Variants in CSNK1A1 observed in about 807,000 individuals in gnomAD.
The protein encoded by CSNK1A1 is casein kinase 1 alpha 1, also known as casein kinase I isoform alpha.
Under a neutral mutation model 46.1 loss-of-function variants are expected in CSNK1A1, and 7 were observed. The ratio of observed to expected loss-of-function variants is 0.15; its 90% confidence interval spans 0.09 to 0.29. The LOEUF (loss-of-function observed/expected upper bound fraction) is 0.29, where lower values mean the gene tolerates loss of function less well. Ranked by LOEUF, CSNK1A1 falls within the 10% of genes least tolerant of loss-of-function variation. The pLI is 1.00. For synonymous variants in CSNK1A1, 137 were observed against 141.5 expected, an observed-to-expected ratio of 0.97 and a Z score of 0.23; for missense variants, 96 against 417.1, an observed-to-expected ratio of 0.23 and a Z score of 6.71.
chr5:149,549,684 C>T (rs751266541), intron 2 of CSNK1A1, among the ~76,000 whole-genome samples: 1 of 152,202 alleles, frequency 6.6e-6, no homozygotes, highest in Non-Finnish European at 1.5e-5. Context: ...AATAGCAACT[C>T]GAACTGACAC....
In CSNK1A1 at chr5:149,550,377, G is replaced by A; in HGVS notation, c.124-196C>T. 1.4e-6 allele frequency: 2 copies of A among 1,381,912 alleles called. No homozygotes were observed. The highest frequency in any genetic ancestry group is 1.7e-5 in the South Asian group (1 of 59,814). 85.6% of individuals were successfully genotyped at this position (1,381,912 alleles called of 1,614,324 possible). On this transcript the variant is annotated intron_variant, in intron 1 of 9. Transcript: ENST00000377843. This position sits in a 1 kb window ranked among gnomAD's most constrained non-coding sequence, Gnocchi z 4.3. ...TCTTCAGGGGGTAGTGACGAAATCC[G>A]TACGTCCTCTAAAGTGCAGGAAAAT...
intron 2 of CSNK1A1, among the ~76,000 whole-genome samples, chr5:149,536,192 A>G (rs981847937): frequency 3.9e-5 from 6 of 152,174 alleles, no homozygotes; most frequent in African/African-American, 1.4e-4. Flanking sequence ...ACCTCAGGTG[A>G]TTCGCCCACC....
In CSNK1A1 at chr5:149,520,256, CTT is replaced by C. The variant is rs1248000273; in HGVS notation, c.456+32_456+33del. ...AAGCAATTCTTGTCGAAACTTTACT[CTT>C]TGTTCTTTCATGCAAAGAGCATTTG... On this transcript the variant is annotated intron_variant, in intron 4 of 9. Transcript: ENST00000377843. 5 of 1,337,940 alleles carry C rather than the reference CTT, an allele frequency of 3.7e-6. No homozygotes were observed. The Admixed American group carries it at 7.7e-5, about 21-fold the overall frequency. The allele number at this position is 1,337,940 out of a possible 1,614,324, so 82.9% of individuals were successfully genotyped here. A position where few individuals can be genotyped will look rare whatever the true frequency, so the allele number is the denominator to read the frequency against.
At chr5:149,519,154 A>T (rs1379695500) in intron 4 of CSNK1A1, among the ~76,000 whole-genome samples, 2 of 152,210 alleles carry the variant, frequency 1.3e-5, no homozygotes, top group Non-Finnish European at 2.9e-5. Flanking sequence ...TTAAAGCTCA[A>T]CAAAAAAATT....
intron 2 of CSNK1A1, among the ~76,000 whole-genome samples, chr5:149,538,859 T>G (rs1762143402): frequency 6.6e-6 from 1 of 151,858 alleles, no homozygotes; most frequent in South Asian, 2.1e-4. Context: ...GAGGCGGATG[T>G]TGCGGTGAGC....
intron 2 of CSNK1A1, among the ~76,000 whole-genome samples, chr5:149,542,365 T>C (rs1762262090): frequency 6.6e-6 from 1 of 151,430 alleles, no homozygotes; most frequent in East Asian, 1.9e-4. Flanking sequence ...TATGTTACAA[T>C]GTAATAATAA....
intron 9 of CSNK1A1, chr5:149,505,217 A>C: frequency 8.4e-7 from 1 of 1,186,680 alleles, no homozygotes; most frequent in East Asian, 3.7e-5. Context: ...AATGATATAA[A>C]TATACACACA....
At chr5:149,515,090 G>A (rs535914477) in intron 4 of CSNK1A1, among the ~76,000 whole-genome samples, 110 of 152,268 alleles carry the variant, frequency 7.2e-4, no homozygotes, top group Non-Finnish European at 4.4e-4. Context: ...GATTCATAGT[G>A]AAAAGAAAAC....
At chr5:149,520,988 C>T (rs142479608) in intron 3 of CSNK1A1, among the ~76,000 whole-genome samples, 9 of 152,286 alleles carry the variant, frequency 5.9e-5, no homozygotes, top group South Asian at 2.1e-4. Context: ...CAAAGTCAAA[C>T]GCTATAGCTC....
chr5:149,535,352 T>C (rs1762031015), intron 2 of CSNK1A1, among the ~76,000 whole-genome samples: 1 of 152,182 alleles, frequency 6.6e-6, no homozygotes, highest in Admixed American at 6.5e-5. Context: ...CTGTATTTGC[T>C]GCTAACTTTA....
rs189967435 is a variant in CSNK1A1 at position 149,525,339 on chromosome 5, C to G, written c.231-168G>C. On this transcript the variant is annotated intron_variant, in intron 2 of 9. Coordinates refer to ENST00000377843, the MANE Select transcript of CSNK1A1 (RefSeq NM_001892.6). This position sits in a 1 kb window ranked among gnomAD's most constrained non-coding sequence, Gnocchi z 4.2. ...TTAACTACAAGGCCCAAAGACAAAA[C>G]AAGGGTAATGAGACTTTTTTTTTTC... Among the ~76,000 whole-genome samples, 3 of 152,144 alleles carry G rather than the reference C, an allele frequency of 2.0e-5. No individual in the cohort carries two copies. The highest frequency in any genetic ancestry group is 4.4e-5 in the Non-Finnish European group (3 of 67,972).
intron 2 of CSNK1A1, chr5:149,545,391 AAGCCTTTGTAGGGGCCTGAG>A (rs1410919847): frequency 4.2e-6 from 2 of 473,982 alleles, no homozygotes; most frequent in Non-Finnish European, 7.7e-6. Flanking sequence ...ACCTACTCCG[AAGCCTTTGTAGGGGCCTGAG>A]AGCCTTTGGG....
intron 3 of CSNK1A1, among the ~76,000 whole-genome samples, chr5:149,522,294 GA>G (rs989678274): frequency 2.6e-5 from 4 of 151,920 alleles, no homozygotes; most frequent in Admixed American, 2.6e-4. Flanking sequence ...ATTTTTTGTG[GA>G]AAGGGGGGTA....
rs149980709 is a variant in CSNK1A1, at chr5:149,525,727, A to G, written c.231-556T>C. ...AGGTAATGACATTTATTTGCTTTTA[A>G]CTGGAATCATGTTTTAATTATCCTG... On this transcript the variant is annotated intron_variant, in intron 2 of 9. Coordinates refer to ENST00000377843, the MANE Select transcript of CSNK1A1 (RefSeq NM_001892.6). The surrounding 1 kb of genome is among the most constrained non-coding windows in gnomAD (Gnocchi z 4.2). Among the ~76,000 whole-genome samples the G allele has an allele frequency of 2.9e-3, 444 of 152,324 alleles. 2 individuals carry two copies. Among genetic ancestry groups the G allele is most frequent in the African/African-American group, 0.01 (436 of 41,558 alleles).
At chr5:149,542,159 T>C (rs550943801) in intron 2 of CSNK1A1, among the ~76,000 whole-genome samples, 9 of 151,814 alleles carry the variant, frequency 5.9e-5, no homozygotes, top group African/African-American at 1.4e-4. Context: ...CAGAATTAGA[T>C]TCTCATAGGA....
chr5:149,529,107 G>A (rs978056605), intron 2 of CSNK1A1, among the ~76,000 whole-genome samples: 1 of 151,920 alleles, frequency 6.6e-6, no homozygotes, highest in Non-Finnish European at 1.5e-5. Context: ...CCTAAGTTAC[G>A]AAACATTAAA....
chr5:149,503,051 C>A, intron 9 of CSNK1A1: 3 of 984,702 alleles, frequency 3.0e-6, no homozygotes, highest in Non-Finnish European at 3.6e-6. Flanking sequence ...CAGGCGTGAG[C>A]CACTGCACCC....
chr5:149,517,711 A>G lies in CSNK1A1; in HGVS notation c.456+2579T>C. 1 of 945,182 alleles carries G rather than the reference A, an allele frequency of 1.1e-6. No homozygotes were observed. Among genetic ancestry groups the G allele is most frequent in the South Asian group, 1.5e-5 (1 of 65,188 alleles). 58.5% of individuals were successfully genotyped at this position (945,182 alleles called of 1,614,324 possible). ...TCTACATTCTCCAGAATTAAAACAA[A>G]ACAAAAATCATCAAAATAAAACAAT... On this transcript the variant is annotated intron_variant, in intron 4 of 9. Coordinates refer to ENST00000377843, the MANE Select transcript of CSNK1A1 (RefSeq NM_001892.6). The surrounding 1 kb of genome is among the most constrained non-coding windows in gnomAD (Gnocchi z 4.4).
chr5:149,518,114 G>C (rs986679012), intron 4 of CSNK1A1, among the ~76,000 whole-genome samples: 2 of 152,132 alleles, frequency 1.3e-5, no homozygotes, highest in Non-Finnish European at 1.5e-5. Flanking sequence ...GTCACTGCCT[G>C]AAACAGGGAT....
Sources: gnomAD v4.1 joint callset for allele counts (sites outside exome capture counted in the v4.1 genomes callset) on GRCh38, gnomAD v4.1.1 for gene constraint, Gnocchi (gnomAD v3.1) non-coding constraint, MANE v1.5 for transcripts, NCBI Gene and HGNC (gene_info 2026-07-23, HGNC 2026-07-21) for gene names.